Variants in CUL5 observed in about 807,000 individuals in gnomAD.
The protein encoded by CUL5 is cullin-5.
In CUL5, 26 loss-of-function variants were observed where a neutral mutation model predicts 108.8. The ratio of observed to expected loss-of-function variants is 0.24; its 90% CI spans 0.18 to 0.33. CUL5 has a LOEUF of 0.33. Ranked by LOEUF, CUL5 falls within the 10% of genes least tolerant of loss-of-function variation. The pLI is 1.00. For missense variants in CUL5, 524 were observed against 909.2 expected (o/e 0.58, Z 5.45); for synonymous variants, 334 against 298.0 (o/e 1.12, Z -1.25).
At chr11:108,086,370 G>T (rs1864223200) in intron 11 of CUL5, among the ~76,000 whole-genome samples, 3 of 152,180 alleles carry the variant, frequency 2.0e-5, no homozygotes, top group Admixed American at 2.0e-4. Context: ...AATGAAGACT[G>T]CTTGAGCCCA....
intron 2 of CUL5, among the ~76,000 whole-genome samples, chr11:108,035,332 G>C (rs1056579116): frequency 8.5e-5 from 13 of 152,198 alleles, no homozygotes; most frequent in African/African-American, 2.9e-4. Flanking sequence ...AGTCCCATCA[G>C]AGAATAAGCC....
intron 13 of CUL5, among the ~76,000 whole-genome samples, chr11:108,093,918 G>A (rs886195169): frequency 6.6e-6 from 1 of 152,146 alleles, no homozygotes; most frequent in Non-Finnish European, 1.5e-5. Flanking sequence ...GCCCAGGCTG[G>A]TCTTAAAATC....
chr11:108,080,088 C>A (rs1864037604), intron 11 of CUL5, among the ~76,000 whole-genome samples: 2 of 147,172 alleles, frequency 1.4e-5, no homozygotes, highest in South Asian at 4.3e-4. Context: ...CCTCATGACT[C>A]TTGATGTTGA....
intron 4 of CUL5, among the ~76,000 whole-genome samples, 156 bp from the exon 5 acceptor site, chr11:108,052,504 C>T (rs1021328623): frequency 2.0e-5 from 3 of 152,108 alleles, no homozygotes; most frequent in African/African-American, 7.2e-5. Flanking sequence ...TCCAGCGATC[C>T]ACCTGCCTCG....
chr11:108,032,086 A>G (rs1424747690), intron 1 of CUL5, among the ~76,000 whole-genome samples: 1 of 152,184 alleles, frequency 6.6e-6, no homozygotes, highest in East Asian at 1.9e-4. Flanking sequence ...TGGATAATGA[A>G]ATAATCTGTA....
rs557785537 is a variant in CUL5 at position 108,098,837 on chromosome 11, T to C, written c.2148+308T>C. On this transcript the variant is annotated intron_variant, in intron 18 of 18. Coordinates refer to ENST00000393094, the MANE Select transcript of CUL5 (RefSeq NM_003478.6). ...TTAGAACCAAAAAAGTTCTCTAATA[T>C]TCATTTCTTCTTTTAAAAACAGTTT... Among the ~76,000 whole-genome samples, 5 of 152,202 alleles carry C rather than the reference T, an allele frequency of 3.3e-5. No individual in the cohort carries two copies. The South Asian group carries it at 1.0e-3, about 32-fold the overall frequency.
chr11:108,093,462 A>G (rs914082091), intron 13 of CUL5, among the ~76,000 whole-genome samples: 2 of 152,090 alleles, frequency 1.3e-5, no homozygotes, highest in African/African-American at 4.8e-5. Context: ...CCTTACTACC[A>G]CAGTCAGCTT....
At chr11:108,043,409 A>G (rs1172820081) in intron 2 of CUL5, among the ~76,000 whole-genome samples, 2 of 152,188 alleles carry the variant, frequency 1.3e-5, no homozygotes, top group Admixed American at 6.5e-5. Flanking sequence ...TCTTTTAGTC[A>G]TTAGATGAGA....
intron 13 of CUL5, among the ~76,000 whole-genome samples, chr11:108,092,729 A>G (rs1466206223): frequency 6.6e-6 from 1 of 152,204 alleles, no homozygotes; most frequent in Non-Finnish European, 1.5e-5. Flanking sequence ...GGGGTGATGA[A>G]AATGTTCTAA....
chr11:108,054,978 AT>A, intron 7 of CUL5, 23 bp downstream of exon 7: 1 of 1,462,228 alleles, frequency 6.8e-7, no homozygotes, highest in South Asian at 1.2e-5. Context: ...GTAATTGTAC[AT>A]TTTATGGGAT....
intron 1 of CUL5, among the ~76,000 whole-genome samples, chr11:108,011,018 ATTTGT>A (rs1198926077): frequency 1.3e-4 from 20 of 152,288 alleles, no homozygotes; most frequent in African/African-American, 4.6e-4. Context: ...AGGAAAGAAA[ATTTGT>A]TTTATTTCTG....
chr11:108,097,731 A>G lies in CUL5; in HGVS notation c.2001A>G (p.Ser667=), dbSNP rs1315228318. Residue 667 remains serine (S), a synonymous_variant, in exon 17 of 19, where the codon TCA becomes TCG. Coordinates refer to ENST00000393094, the MANE Select transcript of CUL5 (RefSeq NM_003478.6). The part of the protein sequence containing the change: ...PKDFTEGTLF[S]VNQEFSLIKN... The stretch of plus-strand genomic sequence containing the variant: ...ACTTTACAGAAGGTACCCTCTTCTC[A>G]GTGAACCAGGAGTTCAGTTTAATGT... 2 of 1,603,762 alleles carry G rather than the reference A, an allele frequency of 1.2e-6. No homozygotes were observed. Among genetic ancestry groups the G allele is most frequent in the Non-Finnish European group, 1.7e-6 (2 of 1,170,794 alleles).
chr11:108,041,721 T>C (rs1442309435), intron 2 of CUL5, among the ~76,000 whole-genome samples: 3 of 152,088 alleles, frequency 2.0e-5, no homozygotes. Flanking sequence ...CTCCCAAGTA[T>C]CTGGGATTAC....
chr11:108,064,720 AAC>A (rs1165376548), intron 7 of CUL5, among the ~76,000 whole-genome samples: 1 of 152,050 alleles, frequency 6.6e-6, no homozygotes, highest in African/African-American at 2.4e-5. Context: ...AAAAAACAAA[AAC>A]AAAACAAAAC....
chr11:108,019,350 G>C (rs1862276205), intron 1 of CUL5, among the ~76,000 whole-genome samples: 1 of 152,128 alleles, frequency 6.6e-6, no homozygotes, highest in South Asian at 2.1e-4. Context: ...TTCATAAACA[G>C]TAAGGGAACC....
chr11:108,032,622 A>G (rs1862621693), intron 1 of CUL5, among the ~76,000 whole-genome samples: 1 of 152,150 alleles, frequency 6.6e-6, no homozygotes, highest in Non-Finnish European at 1.5e-5. Context: ...AATGTAATTG[A>G]TCATTATTTT....
At chr11:108,098,320 A>T in intron 17 of CUL5, 86 bp from the exon 18 acceptor site, 2 of 1,209,858 alleles carry the variant, frequency 1.7e-6, no homozygotes, top group South Asian at 1.6e-5. Context: ...GCATATTTTT[A>T]AATCTTTTCT....
intron 18 of CUL5, among the ~76,000 whole-genome samples, chr11:108,099,966 C>CT (rs1864610857): frequency 6.6e-6 from 1 of 150,622 alleles, no homozygotes; most frequent in Admixed American, 6.6e-5. Flanking sequence ...GTAGCTGGGA[C>CT]TACAGGCACA....
In CUL5 at chr11:108,094,474, T is replaced by C; in HGVS notation, c.1527T>C (p.Ala509=). 1 of 1,529,626 alleles carries C rather than the reference T, an allele frequency of 6.5e-7. No homozygotes were observed. The highest frequency in any genetic ancestry group is 9.0e-7 in the Non-Finnish European group (1 of 1,117,118). The allele number at this position is 1,529,626 out of a possible 1,614,324, so 94.8% of individuals were successfully genotyped here. A position where few individuals can be genotyped will look rare whatever the true frequency, so the allele number is the denominator to read the frequency against. The change falls in exon 14 of 19, where the codon GCT becomes GCC. Residue 509 remains alanine (A), a synonymous_variant. Coordinates refer to ENST00000393094, the MANE Select transcript of CUL5 (RefSeq NM_003478.6). The part of the protein sequence containing the change: ...DIKVSEDLNQ[A]FKEMHKNNKL... The stretch of plus-strand genomic sequence containing the variant: ...AAGTATCTGAAGATTTGAACCAAGC[T>C]TTTAAGGAAATGCACAAAAATAATA...
Sources: allele counts gnomAD v4.1 joint callset (sites outside exome capture counted in the v4.1 genomes callset), GRCh38; gene constraint gnomAD v4.1.1; transcripts MANE v1.5; gene names NCBI Gene and HGNC (gene_info 2026-07-23, HGNC 2026-07-21).